PCNX2: variants seen among roughly 807,000 people sequenced by gnomAD.
PCNX2 encodes the protein pecanex-like protein 2.
PCNX2 carries 168 observed loss-of-function variants against 223.8 expected under a neutral mutation model. The ratio of observed to expected loss-of-function variants is 0.75; its 90% confidence interval spans 0.66 to 0.85. The LOEUF is 0.85. Ranked by LOEUF, PCNX2 falls within the 40% of genes least tolerant of loss-of-function variation. The pLI, the probability that PCNX2 is intolerant of heterozygous loss-of-function variation, is 0.00. For missense variants in PCNX2, 2,507 were observed against 2,675.5 expected, an observed-to-expected ratio of 0.94 and a Z score of 1.39; for synonymous variants, 1,006 against 1,052.6, an observed-to-expected ratio of 0.96 and a Z score of 0.86.
intron 15 of PCNX2, among the ~76,000 whole-genome samples, chr1:233,182,360 G>A (rs1236769470): frequency 6.6e-6 from 1 of 152,154 alleles, no homozygotes; most frequent in Non-Finnish European, 1.5e-5. Context: ...CATCCTGTCT[G>A]GTTAAGGCTT....
Position 233,184,226 on chromosome 1 carries a change from C to T in PCNX2, c.3067-5051G>A, listed in dbSNP as rs6698756. Reference sequence around the variant, plus strand: ...AAGACCCTAGAAATAATTCTCATGACATGGATCAGAGAAAAGGTCAAGGGA... The same window carrying T: ...AAGACCCTAGAAATAATTCTCATGATATGGATCAGAGAAAAGGTCAAGGGA... On this transcript the variant is annotated intron_variant, in intron 15 of 33. Transcript: ENST00000258229. Among the ~76,000 whole-genome samples, 1,030 of 152,038 alleles carry T rather than the reference C, an allele frequency of 6.8e-3. 4 individuals carry two copies. Among genetic ancestry groups the T allele is most frequent in the Middle Eastern group, 0.031 (9 of 294 alleles).
At chr1:233,158,629 G>A (rs2102817113) in intron 19 of PCNX2, among the ~76,000 whole-genome samples, 1 of 152,220 alleles carries the variant, frequency 6.6e-6, no homozygotes. Context: ...ATAGACAAAA[G>A]TAAAAATATA....
chr1:233,057,234 G>A lies in PCNX2; in HGVS notation c.4133C>T (p.Pro1378Leu), dbSNP rs771594041. Residue 1378 changes from proline to leucine, a missense_variant and splice_region_variant, in exon 24 of 34, where the codon CCA becomes CTA. Coordinates refer to ENST00000258229, the MANE Select transcript of PCNX2 (RefSeq NM_014801.4). ...AAAGAGAGAAGAGATCTTCTTACCT[G>A]GATCTCTTTCAATTTGGACTGCCAG... Reference protein sequence around the residue: ...TRLAVQIERDPGNDDNNLNSI... With the variant: ...TRLAVQIERDLGNDDNNLNSI... The A allele has an allele frequency of 6.3e-7, 1 of 1,598,684 alleles. No individual in the cohort carries two copies. The highest frequency in any genetic ancestry group is 1.3e-5 in the African/African-American group (1 of 74,630).
rs1012368610 is a variant in PCNX2 at position 233,295,241 on chromosome 1, G to T, written c.153+85C>A. On this transcript the variant is annotated intron_variant, in intron 1 of 33. Transcript: ENST00000258229. This position sits in a 1 kb window ranked among gnomAD's most constrained non-coding sequence, Gnocchi z 4.1. ...AGAATCTCTACGAACCCGAAAGCCC[G>T]TGAGGCTGATGGCACGTCTGTGGTT... The T allele has an allele frequency of 6.5e-7, 1 of 1,532,592 alleles. No individual in the cohort carries two copies. Among genetic ancestry groups the T allele is most frequent in the African/African-American group, 1.4e-5 (1 of 72,306 alleles). 94.9% of individuals were successfully genotyped at this position (1,532,592 alleles called of 1,614,324 possible).
chr1:233,290,869 G>A (rs1041590383), intron 1 of PCNX2: 20 of 985,402 alleles, frequency 2.0e-5, no homozygotes, highest in East Asian at 2.3e-4. Context: ...CCACAAGCGG[G>A]GAAAGGGCTG....
chr1:233,111,783 T>A (rs1571887535), intron 21 of PCNX2, among the ~76,000 whole-genome samples: 1 of 152,326 alleles, frequency 6.6e-6, no homozygotes, highest in East Asian at 1.9e-4. Flanking sequence ...ACTGGTATTA[T>A]TTACAGTTTT....
At chr1:233,209,853 A>G (rs1442562329) in intron 12 of PCNX2, among the ~76,000 whole-genome samples, 3 of 152,230 alleles carry the variant, frequency 2.0e-5, no homozygotes, top group Non-Finnish European at 4.4e-5. Flanking sequence ...CCCAAGTTCA[A>G]TCTAAATGTA....
At chr1:233,146,170 T>C (rs971042278) in intron 19 of PCNX2, among the ~76,000 whole-genome samples, 2 of 152,218 alleles carry the variant, frequency 1.3e-5, no homozygotes, top group African/African-American at 4.8e-5. Flanking sequence ...AATTCTATAA[T>C]TTAAGGAAGT....
At chr1:233,017,286 G>T in intron 26 of PCNX2, 132 bp from the exon 27 acceptor site, 5 of 470,162 alleles carry the variant, frequency 1.1e-5, no homozygotes, top group East Asian at 8.1e-5. Context: ...GTAATGCACA[G>T]AACTCATTTG....
intron 13 of PCNX2, among the ~76,000 whole-genome samples, chr1:233,201,175 C>G (rs1681091309): frequency 6.8e-6 from 1 of 147,088 alleles, no homozygotes; most frequent in Non-Finnish European, 1.5e-5. Context: ...GGAACTGTTC[C>G]AAGTCTTTGT....
chr1:233,211,323 C>T (rs922401700), intron 12 of PCNX2, among the ~76,000 whole-genome samples: 1 of 151,862 alleles, frequency 6.6e-6, no homozygotes, highest in Non-Finnish European at 1.5e-5. Flanking sequence ...CTGTCTCCCC[C>T]ACATTCAGAT....
intron 5 of PCNX2, among the ~76,000 whole-genome samples, chr1:233,254,669 A>G (rs946673028): frequency 5.3e-5 from 8 of 151,800 alleles, no homozygotes; most frequent in Non-Finnish European, 1.2e-4. Flanking sequence ...TTTGATATAT[A>G]TCACACCAGT....
chr1:233,078,781 C>A (rs1673213352), intron 23 of PCNX2, among the ~76,000 whole-genome samples: 1 of 152,202 alleles, frequency 6.6e-6, no homozygotes, highest in Non-Finnish European at 1.5e-5. Context: ...AAATTATGCA[C>A]AACAGCACAA....
rs756736783 is a variant in PCNX2, at chr1:233,000,493, G to A, written c.5140C>T (p.Leu1714Phe). The part of the protein sequence containing the change: ...CPDEYEDPAV[L>F]YEAIQSFEKK... ...TCGAAGGACTGGATGGCCTCGTAGA[G>A]GACTGCTGGGTCTTCATACTCGTCA... Residue 1714 changes from leucine to phenylalanine, a missense_variant, in exon 30 of 34, where the codon CTC becomes TTC. Around this residue, in one of 3 missense-constraint regions of PCNX2, gnomAD observed 1,372 missense variants for 1,509.4 expected, o/e 0.91. Coordinates refer to ENST00000258229, the MANE Select transcript of PCNX2 (RefSeq NM_014801.4). This position sits in a 1 kb window ranked among gnomAD's most constrained non-coding sequence, Gnocchi z 4.6. The A allele has an allele frequency of 6.2e-7, 1 of 1,602,856 alleles. No individual in the cohort carries two copies. Among genetic ancestry groups the A allele is most frequent in the South Asian group, 1.1e-5 (1 of 89,450 alleles).
At chr1:233,282,884 T>C (rs1661260184) in intron 1 of PCNX2, among the ~76,000 whole-genome samples, 3 of 152,146 alleles carry the variant, frequency 2.0e-5, no homozygotes, top group Admixed American at 6.6e-5. Context: ...TAAAATTATA[T>C]AGCTACAAGT....
chr1:233,130,464 T>TG lies in PCNX2; in HGVS notation c.3837+4548_3837+4549insC, dbSNP rs1309543627. Reference sequence around the variant, plus strand: ...AACTCAATATTTCTGCCCCCCAACTTTTGTGTGTGTGTGTGTGTGTGTGTG... The same window carrying TG: ...AACTCAATATTTCTGCCCCCCAACTTGTTGTGTGTGTGTGTGTGTGTGTGTG... On this transcript the variant is annotated intron_variant, in intron 21 of 33. Coordinates refer to ENST00000258229, the MANE Select transcript of PCNX2 (RefSeq NM_014801.4). Among the ~76,000 whole-genome samples, 486 of 125,688 alleles carry TG rather than the reference T, an allele frequency of 3.9e-3. 16 individuals carry two copies. In the East Asian group the frequency reaches 0.063, roughly 16 times the overall value. 82.5% of individuals were successfully genotyped at this position (125,688 alleles called of 152,430 possible).
intron 17 of PCNX2, among the ~76,000 whole-genome samples, chr1:233,170,778 A>T (rs1679102317): frequency 6.6e-6 from 1 of 152,050 alleles, no homozygotes; most frequent in South Asian, 2.1e-4. Context: ...GTTATTTGTG[A>T]ATCACTTCTA....
At chr1:233,100,483 C>CACCA (rs371023477) in intron 21 of PCNX2, among the ~76,000 whole-genome samples, 16 of 150,532 alleles carry the variant, frequency 1.1e-4, no homozygotes, top group Non-Finnish European at 1.8e-4. Flanking sequence ...CAAGGAAAGT[C>CACCA]ACCATAAATA....
At chr1:233,301,547 T>A in the PCNX2 span, among the ~76,000 whole-genome samples, 2 of 152,174 alleles carry the variant, frequency 1.3e-5, no homozygotes, top group Non-Finnish European at 2.9e-5. Context: ...ATTAGCAATC[T>A]GAGTCCAGCA....
Sources: gnomAD v4.1 joint callset for allele counts (sites outside exome capture counted in the v4.1 genomes callset) on GRCh38, gnomAD v4.1.1 for gene constraint, gnomAD v4.1.1 regional missense constraint, Gnocchi (gnomAD v3.1) non-coding constraint, MANE v1.5 for transcripts, NCBI Gene and HGNC (gene_info 2026-07-23, HGNC 2026-07-21) for gene names.